Variants in CCDC7 observed in about 807,000 individuals in gnomAD.
CCDC7 encodes coiled-coil domain-containing protein 7.
Under a neutral mutation model 196.9 loss-of-function variants are expected in CCDC7, and 183 were observed. The observed-to-expected ratio is 0.93, with a 90% CI of 0.82 to 1.05. The LOEUF (loss-of-function observed/expected upper bound fraction) is 1.05, where lower values mean the gene tolerates loss of function less well. Among genes scored for constraint, CCDC7 ranks in the 50% least tolerant of loss-of-function variants. CCDC7 has a pLI of 0.00. For missense variants in CCDC7, 1,540 were observed against 1,482.2 expected (o/e 1.04, Z -0.64); for synonymous variants, 525 against 484.6 (o/e 1.08, Z -1.10).
At chr10:32,564,234 G>T (rs530996122) in intron 13 of CCDC7, among the ~76,000 whole-genome samples, 6,235 of 152,114 alleles carry the variant, frequency 0.041, 128 homozygotes, top group Middle Eastern at 0.065. Context: ...ATTGTGGAAG[G>T]CAGTGTGGCG....
chr10:32,761,496 C>G (rs1015529686), intron 28 of CCDC7, among the ~76,000 whole-genome samples: 1 of 151,934 alleles, frequency 6.6e-6, no homozygotes, highest in Non-Finnish European at 1.5e-5. Flanking sequence ...TAGCTGGTTA[C>G]TCTTATTATG....
chr10:32,777,633 G>T (rs2080296997), intron 28 of CCDC7, among the ~76,000 whole-genome samples: 1 of 151,938 alleles, frequency 6.6e-6, no homozygotes, highest in Admixed American at 6.6e-5. Context: ...AAGGTGGGTG[G>T]ATCACTTGAG....
exon 18 of CCDC7, chr10:32,584,236 A>G: frequency 1.9e-6 from 3 of 1,576,760 alleles, no homozygotes; most frequent in Non-Finnish European, 2.6e-6. Context: ...ATTAAGGCTG[A>G]TGTTTCAGAA....
chr10:32,699,741 T>C lies in CCDC7; in HGVS notation c.2458+4749T>C, dbSNP rs565421909. Among the ~76,000 whole-genome samples the C allele has an allele frequency of 1.1e-4, 16 of 149,446 alleles. 1 individual carries two copies. Among genetic ancestry groups the C allele is most frequent in the South Asian group, 2.1e-4 (1 of 4,818 alleles). On this transcript the variant is annotated intron_variant, in intron 24 of 41. Transcript: ENST00000639629. ...TTGTCTCCTGACTTTTTAATGATCG[T>C]CATTCTAACTGGTGTGAGATGGTAT...
exon 17 of CCDC7, chr10:32,583,046 A>G (rs1590161616): frequency 1.6e-6 from 2 of 1,231,390 alleles, no homozygotes; most frequent in East Asian, 3.2e-5. Context: ...CAGAGAAGAA[A>G]CGATCTAGCC....
At position 32,589,467 on chromosome 10, in the gene CCDC7, T is replaced by G. The variant is rs1184700473; in HGVS notation, c.1801+5163T>G. Among the ~76,000 whole-genome samples, 4 of 152,206 alleles carry G rather than the reference T, an allele frequency of 2.6e-5. No individual in the cohort carries two copies. In the South Asian group the frequency reaches 8.3e-4, roughly 31 times the overall value. Reference sequence around the variant, plus strand: ...ATTTTGAATGTTCTAAGACTTGTTTTGTGGCCTAACAAATGGTCTATGCTT... The same window carrying G: ...ATTTTGAATGTTCTAAGACTTGTTTGGTGGCCTAACAAATGGTCTATGCTT... On this transcript the variant is annotated intron_variant, in intron 18 of 41. Transcript: ENST00000639629.
chr10:32,799,095 A>G (rs969986717), intron 29 of CCDC7, among the ~76,000 whole-genome samples: 89 of 152,112 alleles, frequency 5.9e-4, no homozygotes, highest in African/African-American at 2.0e-3. Flanking sequence ...CACCTACTTT[A>G]TGGCTAGATG....
chr10:32,501,466 G>A, intron 9 of CCDC7, among the ~76,000 whole-genome samples: 1 of 152,136 alleles, frequency 6.6e-6, no homozygotes, highest in East Asian at 1.9e-4. Context: ...AGATGTTCTG[G>A]TTTTTGGAAT....
intron 8 of CCDC7, among the ~76,000 whole-genome samples, chr10:32,490,069 G>A (rs1361727989): frequency 9.2e-5 from 14 of 152,158 alleles, no homozygotes. Context: ...GGGACATGTT[G>A]CATGGCTCAT....
intron 40 of CCDC7, among the ~76,000 whole-genome samples, chr10:32,854,031 C>G (rs372541558): frequency 6.6e-6 from 1 of 152,152 alleles, no homozygotes; most frequent in East Asian, 1.9e-4. Flanking sequence ...GCCCATGACC[C>G]TCTCTCTCTC....
chr10:32,567,951 T>A, intron 15 of CCDC7, 60 bp downstream of exon 16: 2 of 1,471,810 alleles, frequency 1.4e-6, no homozygotes, highest in Non-Finnish European at 1.8e-6. Flanking sequence ...GTCTTTTATA[T>A]TATTATTTAC....
intron 18 of CCDC7, among the ~76,000 whole-genome samples, chr10:32,610,993 G>A (rs954871273): frequency 6.6e-6 from 1 of 152,170 alleles, no homozygotes; most frequent in Non-Finnish European, 1.5e-5. Flanking sequence ...TTGAGGAATT[G>A]CCACACTGTC....
chr10:32,697,764 G>A (rs2077970218), intron 24 of CCDC7, among the ~76,000 whole-genome samples: 1 of 152,192 alleles, frequency 6.6e-6, no homozygotes, highest in East Asian at 1.9e-4. Flanking sequence ...CTGAACAAAA[G>A]GCAGCGGAAA....
intron 28 of CCDC7, among the ~76,000 whole-genome samples, chr10:32,768,033 T>C (rs2078605420): frequency 6.6e-6 from 1 of 152,086 alleles, no homozygotes; most frequent in Non-Finnish European, 1.5e-5. Context: ...AAAGGATTAC[T>C]GACTCAAAGA....
At chr10:32,801,652 A>G (rs1405305240) in intron 29 of CCDC7, among the ~76,000 whole-genome samples, 7 of 152,158 alleles carry the variant, frequency 4.6e-5, no homozygotes, top group African/African-American at 1.2e-4. Context: ...GTCTGCCAGG[A>G]CTTCAGCCTA....
chr10:32,805,216 A>G, intron 30 of CCDC7, 118 bp downstream of exon 31: 2 of 684,594 alleles, frequency 2.9e-6, no homozygotes. Context: ...ACAGGTTCTC[A>G]TGAATACCCT....
chr10:32,661,695 G>T (rs1242619503), intron 20 of CCDC7, among the ~76,000 whole-genome samples: 9 of 152,130 alleles, frequency 5.9e-5, no homozygotes, highest in South Asian at 2.1e-4. Context: ...GCCTGGAACG[G>T]AGGCCTCAAA....
upstream of CCDC7, among the ~76,000 whole-genome samples, chr10:32,446,900 G>A (rs71493127): frequency 4.2e-5 from 3 of 70,900 alleles, no homozygotes; most frequent in Admixed American, 1.6e-4. Flanking sequence ...CTGCCTGCCT[G>A]CCTGCCTCCC....
At chr10:32,593,554 T>G (rs138173593) in intron 18 of CCDC7, among the ~76,000 whole-genome samples, 6,944 of 152,276 alleles carry the variant, frequency 0.046, 533 homozygotes, top group African/African-American at 0.16. Flanking sequence ...TTAGTTTAAT[T>G]AGATCCCATT....
Sources: allele counts gnomAD v4.1 joint callset (sites outside exome capture counted in the v4.1 genomes callset), GRCh38; gene constraint gnomAD v4.1.1; transcripts MANE v1.5; gene names NCBI Gene and HGNC (gene_info 2026-07-23, HGNC 2026-07-21).